PLIN3: variants seen among roughly 807,000 people sequenced by gnomAD.
PLIN3 encodes perilipin-3.
Under a neutral mutation model 35.9 loss-of-function variants are expected in PLIN3, and 30 were observed. The observed-to-expected ratio is 0.84, with a 90% confidence interval of 0.62 to 1.13. The LOEUF is 1.13. Ranked by LOEUF, PLIN3 falls within the 50% of genes most tolerant of loss-of-function variation. PLIN3 has a pLI of 0.00. For synonymous variants in PLIN3, 261 were observed against 262.5 expected (o/e 0.99, Z 0.06); for missense variants, 603 against 596.9 (o/e 1.01, Z -0.11).
chr19:4,842,284 C>G (rs1219293058), intron 7 of PLIN3, among the ~76,000 whole-genome samples: 6 of 151,904 alleles, frequency 3.9e-5, no homozygotes, highest in Admixed American at 2.6e-4. Context: ...AAAAAATTAG[C>G]TGGGTGTGGT....
At chr19:4,859,250 C>A (rs1168486270) in intron 4 of PLIN3, among the ~76,000 whole-genome samples, 4 of 152,052 alleles carry the variant, frequency 2.6e-5, no homozygotes, top group Admixed American at 6.6e-5. Context: ...GGCTGGGCAC[C>A]GTGGCTCATT....
chr19:4,864,910 G>C (rs548594814), intron 1 of PLIN3, among the ~76,000 whole-genome samples: 1 of 152,258 alleles, frequency 6.6e-6, no homozygotes, highest in South Asian at 2.1e-4. Flanking sequence ...GAGGCTAAAG[G>C]GTCGGGCATG....
intron 1 of PLIN3, among the ~76,000 whole-genome samples, chr19:4,865,474 G>A (rs1400517527): frequency 1.3e-5 from 2 of 150,510 alleles, no homozygotes; most frequent in Non-Finnish European, 3.0e-5. Context: ...GGGTGACAGA[G>A]GGAGACTCCG....
chr19:4,856,347 T>C (rs935326286), intron 4 of PLIN3, among the ~76,000 whole-genome samples: 2 of 151,862 alleles, frequency 1.3e-5, no homozygotes, highest in African/African-American at 2.4e-5. Context: ...TCACCTGAGG[T>C]TGGGAGTTCG....
chr19:4,862,489 T>C (rs143313617), intron 1 of PLIN3, among the ~76,000 whole-genome samples: 1 of 152,006 alleles, frequency 6.6e-6, no homozygotes, highest in Non-Finnish European at 1.5e-5. Flanking sequence ...CAAACAATCC[T>C]CTTGCCTTGG....
At chr19:4,846,834 T>A (rs1330620797) in intron 6 of PLIN3, among the ~76,000 whole-genome samples, 5 of 151,474 alleles carry the variant, frequency 3.3e-5, no homozygotes, top group Admixed American at 2.0e-4. Context: ...ACTTCCAGCC[T>A]CCAGAAATGT....
intron 7 of PLIN3, among the ~76,000 whole-genome samples, chr19:4,840,812 G>GC: frequency 6.6e-6 from 1 of 152,258 alleles, no homozygotes; most frequent in African/African-American, 2.4e-5. Flanking sequence ...GGGTGTGGTG[G>GC]CATGTGCCTA....
intron 4 of PLIN3, among the ~76,000 whole-genome samples, chr19:4,859,301 C>T (rs967695777): frequency 6.6e-6 from 1 of 152,150 alleles, no homozygotes; most frequent in Non-Finnish European, 1.5e-5. Flanking sequence ...GCAGCTGGAT[C>T]ACCTGAGGTC....
intron 1 of PLIN3, chr19:4,866,691 C>T (rs2030869481): frequency 6.6e-6 from 1 of 152,324 alleles, no homozygotes; most frequent in African/African-American, 2.4e-5. Context: ...AGCCTGAGCT[C>T]ACCTGGGCAG....
intron 4 of PLIN3, 123 bp downstream of exon 4, chr19:4,859,467 G>C: frequency 1.2e-6 from 1 of 826,590 alleles, no homozygotes; most frequent in Non-Finnish European, 2.1e-6. Context: ...GTGGGGATGG[G>C]AACCGACAGG....
Position 4,838,975 on chromosome 19 carries a change from G to T in PLIN3, c.*217C>A. The T allele has an allele frequency of 4.5e-6, 2 of 446,578 alleles. No homozygotes were observed. The highest frequency in any genetic ancestry group is 4.0e-6 in the Non-Finnish European group (1 of 250,422). The allele number at this position is 446,578 out of a possible 1,614,324, so 27.7% of individuals were successfully genotyped here. A position where few individuals can be genotyped will look rare whatever the true frequency, so the allele number is the denominator to read the frequency against. ...GGACATCTCTCTCTACTGACTGATA[G>T]GGTGAGGCTCAGAACAGGCTTCTTC... On this transcript the variant is annotated 3_prime_UTR_variant, in exon 8 of 8. Coordinates refer to ENST00000221957, the MANE Select transcript of PLIN3 (RefSeq NM_005817.5).
chr19:4,847,590 C>T, intron 6 of PLIN3, 101 bp downstream of exon 6: 1 of 992,542 alleles, frequency 1.0e-6, no homozygotes, highest in Non-Finnish European at 1.5e-6. Flanking sequence ...ATGGCCCTGC[C>T]AGCCTGCAGA....
chr19:4,849,895 G>C (rs2030230095), intron 5 of PLIN3, among the ~76,000 whole-genome samples: 1 of 151,482 alleles, frequency 6.6e-6, no homozygotes, highest in Non-Finnish European at 1.5e-5. Context: ...ATGTGATCCA[G>C]CTGCCTCAGC....
rs375256286 is a variant in PLIN3 at position 4,859,793 on chromosome 19, G to A, written c.265+33C>T. The stretch of plus-strand genomic sequence containing the variant: ...TCCCCACCCAGGGAAATGACCAGGA[G>A]GGGAATTCAGTGCCCCCTGGGACTT... On this transcript the variant is annotated intron_variant, in intron 3 of 7. Coordinates refer to ENST00000221957, the MANE Select transcript of PLIN3 (RefSeq NM_005817.5). 28 of 1,610,160 alleles carry A rather than the reference G, an allele frequency of 1.7e-5. No individual in the cohort carries two copies. In the African/African-American group the frequency reaches 2.7e-4, roughly 15 times the overall value.
intron 1 of PLIN3, among the ~76,000 whole-genome samples, chr19:4,865,035 C>T (rs2030803311): frequency 6.6e-6 from 1 of 151,842 alleles, no homozygotes; most frequent in South Asian, 2.1e-4. Context: ...ACTAAAAATA[C>T]AAAAATTAGG....
At chr19:4,858,110 T>G (rs909989797) in intron 4 of PLIN3, among the ~76,000 whole-genome samples, 2 of 150,682 alleles carry the variant, frequency 1.3e-5, no homozygotes, top group Non-Finnish European at 3.0e-5. Context: ...CCGTCTCTAC[T>G]AAAAATACAA....
chr19:4,863,088 C>T (rs939965651), intron 1 of PLIN3, among the ~76,000 whole-genome samples: 3 of 151,942 alleles, frequency 2.0e-5, no homozygotes, highest in East Asian at 1.9e-4. Context: ...ACCCAGGAGG[C>T]GGAGGTTGCA....
intron 7 of PLIN3, among the ~76,000 whole-genome samples, chr19:4,839,965 C>CTTTTT (rs1212445249): frequency 2.4e-5 from 3 of 124,412 alleles, no homozygotes; most frequent in African/African-American, 9.4e-5. Context: ...GTGCCCGGCC[C>CTTTTT]TTTTTTTTTT....
At chr19:4,859,554 T>C (rs2030594470) in intron 4 of PLIN3, 36 bp downstream of exon 4, 1 of 1,582,070 alleles carries the variant, frequency 6.3e-7, no homozygotes, top group African/African-American at 1.3e-5. Flanking sequence ...GGTAGGTCCC[T>C]GTCTCGACAG....
Sources: allele counts gnomAD v4.1 joint callset (sites outside exome capture counted in the v4.1 genomes callset), GRCh38; gene constraint gnomAD v4.1.1; transcripts MANE v1.5; gene names NCBI Gene and HGNC (gene_info 2026-07-23, HGNC 2026-07-21).